The following CUL3 variants were observed in gnomAD, a reference collection of about 807,000 sequenced individuals.
CUL3 encodes cullin 3.
In CUL3, 19 loss-of-function variants were observed where a neutral mutation model predicts 89.1. The observed-to-expected ratio is 0.21, with a 90% CI of 0.15 to 0.31. The LOEUF (loss-of-function observed/expected upper bound fraction) is 0.31, where lower values mean the gene tolerates loss of function less well. Ranked by LOEUF, CUL3 falls within the 10% of genes least tolerant of loss-of-function variation. CUL3 has a pLI of 1.00. For synonymous variants in CUL3, 351 were observed against 308.4 expected, an observed-to-expected ratio of 1.14 and a Z score of -1.45; for missense variants, 469 against 942.3, an observed-to-expected ratio of 0.50 and a Z score of 6.58.
chr2:224,543,505 A>T (rs1694188811), intron 2 of CUL3, among the ~76,000 whole-genome samples: 1 of 152,202 alleles, frequency 6.6e-6, no homozygotes, highest in Non-Finnish European at 1.5e-5. Context: ...GCTAAGGTTG[A>T]ATATCACTTA....
intron 6 of CUL3, among the ~76,000 whole-genome samples, chr2:224,510,637 G>C (rs1339310543): frequency 2.0e-5 from 3 of 152,038 alleles, no homozygotes; most frequent in African/African-American, 7.2e-5. Flanking sequence ...AGTGGTAAAG[G>C]CAAAGTTTTA....
intron 15 of CUL3, among the ~76,000 whole-genome samples, chr2:224,477,344 T>C (rs1286976126): frequency 6.6e-6 from 1 of 152,186 alleles, no homozygotes; most frequent in Non-Finnish European, 1.5e-5. Context: ...TGAAAACCAG[T>C]GCTCTAAAGA....
At chr2:224,545,608 C>T (rs1319676763) in intron 2 of CUL3, among the ~76,000 whole-genome samples, 2 of 152,128 alleles carry the variant, frequency 1.3e-5, no homozygotes, top group African/African-American at 4.8e-5. Flanking sequence ...CAAAGTATTT[C>T]CCCAGACTGA....
chr2:224,550,286 G>C (rs981326560), intron 2 of CUL3, among the ~76,000 whole-genome samples: 2 of 152,182 alleles, frequency 1.3e-5, no homozygotes, highest in Non-Finnish European at 2.9e-5. Flanking sequence ...TGAGGGTAAT[G>C]TTATATTTTA....
chr2:224,567,514 C>T (rs1057499335), intron 1 of CUL3, among the ~76,000 whole-genome samples: 25 of 152,038 alleles, frequency 1.6e-4, no homozygotes, highest in Admixed American at 7.2e-4. Context: ...AAGAGGTGGG[C>T]GGATCACCAA....
chr2:224,484,735 T>C (rs1178796848), intron 13 of CUL3, among the ~76,000 whole-genome samples: 1 of 152,212 alleles, frequency 6.6e-6, no homozygotes, highest in Non-Finnish European at 1.5e-5. Context: ...GAATTTTATA[T>C]TTGATGTGAT....
At chr2:224,549,595 T>C (rs1276217799) in intron 2 of CUL3, among the ~76,000 whole-genome samples, 1 of 152,316 alleles carries the variant, frequency 6.6e-6, no homozygotes, top group South Asian at 2.1e-4. Context: ...TTCTACCTAT[T>C]ACTTTTCCCA....
intron 3 of CUL3, among the ~76,000 whole-genome samples, chr2:224,515,900 C>T (rs1693021694): frequency 6.6e-6 from 1 of 151,976 alleles, no homozygotes; most frequent in Non-Finnish European, 1.5e-5. Context: ...CATCAGTTGG[C>T]CTGGTCTCGA....
intron 15 of CUL3, 120 bp from the exon 16 acceptor site, chr2:224,474,496 T>TA: frequency 1.3e-6 from 1 of 776,620 alleles, no homozygotes; most frequent in East Asian, 2.7e-5. Flanking sequence ...TTACCAAAGA[T>TA]AAAAGCACAG....
intron 1 of CUL3, among the ~76,000 whole-genome samples, chr2:224,571,345 CACT>C (rs1422757713): frequency 2.0e-5 from 3 of 152,098 alleles, no homozygotes; most frequent in African/African-American, 7.2e-5. Context: ...TACTATTTAA[CACT>C]ACTATTTATT....
chr2:224,564,025 C>G (rs1283392438), intron 1 of CUL3, among the ~76,000 whole-genome samples: 1 of 152,178 alleles, frequency 6.6e-6, no homozygotes, highest in Non-Finnish European at 1.5e-5. Context: ...GTGGCTCACA[C>G]CTGTAATCCC....
chr2:224,495,119 C>A (rs1194158082), intron 13 of CUL3: 2 of 146,120 alleles, frequency 1.4e-5, no homozygotes, highest in East Asian at 4.0e-4. Flanking sequence ...AGATGCTCAA[C>A]ATCATCATCA....
chr2:224,584,955 G>A lies in CUL3; in HGVS notation c.55C>T (p.Arg19Trp), dbSNP rs2106331293. Reference sequence around the variant, plus strand: ...GAGGAGAGACTCACCGGAAAGGCCCGGATCCGCATCTTGGTGTCCTTCCGG... The same window carrying A: ...GAGGAGAGACTCACCGGAAAGGCCCAGATCCGCATCTTGGTGTCCTTCCGG... Reference protein sequence around the residue: ...GSRKDTKMRIRAFPMTMDEKY... With the variant: ...GSRKDTKMRIWAFPMTMDEKY... The change falls in exon 1 of 16, where the codon CGG becomes TGG. Residue 19 changes from arginine to tryptophan, a missense_variant. Arg to Trp is a moderately radical substitution (Grantham distance 101). This residue lies in a region of CUL3 where 32 missense variants were observed against 29.7 expected (regional missense o/e 1.08). Transcript: ENST00000264414. The A allele has an allele frequency of 1.3e-6, 2 of 1,500,802 alleles. No individual in the cohort carries two copies. The highest frequency in any genetic ancestry group is 2.7e-5 in the East Asian group (1 of 36,638). 93.0% of individuals were successfully genotyped at this position (1,500,802 alleles called of 1,614,324 possible).
intron 1 of CUL3, among the ~76,000 whole-genome samples, chr2:224,580,393 C>T (rs1370208123): frequency 1.3e-5 from 2 of 152,142 alleles, no homozygotes; most frequent in East Asian, 1.9e-4. Flanking sequence ...ACTTAAAATA[C>T]GCACTAAGGC....
chr2:224,569,787 G>T, intron 1 of CUL3: 1 of 1,160,796 alleles, frequency 8.6e-7, no homozygotes, highest in East Asian at 8.3e-5. Flanking sequence ...TACATACAAA[G>T]GACAAGAAGT....
At chr2:224,577,285 G>A (rs1695323543) in intron 1 of CUL3, among the ~76,000 whole-genome samples, 1 of 152,172 alleles carries the variant, frequency 6.6e-6, no homozygotes, top group Admixed American at 6.5e-5. Context: ...TATGCAGCTA[G>A]AGGCCGGGCG....
intron 3 of CUL3, among the ~76,000 whole-genome samples, chr2:224,528,560 C>T (rs1281788499): frequency 4.1e-5 from 6 of 144,790 alleles, no homozygotes; most frequent in Non-Finnish European, 7.5e-5. Flanking sequence ...GCCTACCACA[C>T]TCCTTAAGGG....
At chr2:224,539,996 G>C (rs945724887) in intron 2 of CUL3, among the ~76,000 whole-genome samples, 1 of 150,846 alleles carries the variant, frequency 6.6e-6, no homozygotes, top group Middle Eastern at 3.2e-3. Context: ...TACAGGGGGG[G>C]AGGCTGTGCA....
At chr2:224,479,798 C>T (rs758393863) in intron 14 of CUL3, 4 of 152,148 alleles carry the variant, frequency 2.6e-5, no homozygotes, top group Non-Finnish European at 4.4e-5. Context: ...TTTTCACTTT[C>T]TTTGTGGATT....
Sources: gnomAD v4.1 joint callset for allele counts (sites outside exome capture counted in the v4.1 genomes callset) on GRCh38, gnomAD v4.1.1 for gene constraint, gnomAD v4.1.1 regional missense constraint, MANE v1.5 for transcripts, NCBI Gene and HGNC (gene_info 2026-07-23, HGNC 2026-07-21) for gene names.